The following RORB variants were observed in gnomAD, a reference collection of about 807,000 sequenced individuals.
The protein encoded by RORB is nuclear receptor ROR-beta.
RORB carries 6 observed loss-of-function variants against 59.1 expected under a neutral mutation model. The ratio of observed to expected loss-of-function variants is 0.10; its 90% CI spans 0.06 to 0.20. The LOEUF is 0.20. Ranked by LOEUF, RORB falls within the 10% of genes least tolerant of loss-of-function variation. The pLI, the probability that RORB is intolerant of heterozygous loss-of-function variation, is 1.00. For synonymous variants in RORB, 215 were observed against 204.5 expected (o/e 1.05, Z -0.44); for missense variants, 320 against 560.5 (o/e 0.57, Z 4.33).
chr9:74,530,167 C>T (rs1013908622), intron 1 of RORB, among the ~76,000 whole-genome samples: 1 of 151,956 alleles, frequency 6.6e-6, no homozygotes, highest in African/African-American at 2.4e-5. Context: ...AAATATTTTC[C>T]AAGTGGAAGT....
At chr9:74,610,569 C>A (rs984980373) in intron 1 of RORB, among the ~76,000 whole-genome samples, 1 of 152,132 alleles carries the variant, frequency 6.6e-6, no homozygotes, top group Admixed American at 6.5e-5. Context: ...CTCCTAATAC[C>A]ATCATCTTGA....
At chr9:74,613,913 AT>A (rs1823271325) in intron 1 of RORB, among the ~76,000 whole-genome samples, 1 of 152,098 alleles carries the variant, frequency 6.6e-6, no homozygotes, top group South Asian at 2.1e-4. Context: ...TGATTTTATT[AT>A]TTTTATGGCT....
At chr9:74,577,043 G>C (rs1822646471) in intron 1 of RORB, among the ~76,000 whole-genome samples, 1 of 152,092 alleles carries the variant, frequency 6.6e-6, no homozygotes, top group South Asian at 2.1e-4. Flanking sequence ...TCAAGTGTAT[G>C]TAGGTTACAA....
chr9:74,513,907 C>T (rs1304602328), intron 1 of RORB, among the ~76,000 whole-genome samples: 1 of 151,938 alleles, frequency 6.6e-6, no homozygotes, highest in Non-Finnish European at 1.5e-5. Flanking sequence ...TCTACTTTTA[C>T]AATAGTTCTG....
chr9:74,578,357 G>T (rs1563942616), intron 1 of RORB, among the ~76,000 whole-genome samples: 1 of 152,078 alleles, frequency 6.6e-6, no homozygotes, highest in Non-Finnish European at 1.5e-5. Context: ...GCATTATGAA[G>T]ATCCAAACTG....
At chr9:74,634,425 A>G (rs1823669414) in intron 2 of RORB, among the ~76,000 whole-genome samples, 2 of 152,242 alleles carry the variant, frequency 1.3e-5, no homozygotes, top group African/African-American at 4.8e-5. Flanking sequence ...GAATGGGTAA[A>G]TGAATGATAC....
At chr9:74,642,303 A>G in intron 3 of RORB, 111 bp from the exon 4 acceptor site, 2 of 1,059,562 alleles carry the variant, frequency 1.9e-6, no homozygotes, top group Non-Finnish European at 2.8e-6. Flanking sequence ...GGTGCTAGAC[A>G]TTTGTGCATT....
At chr9:74,577,715 C>G (rs1822659270) in intron 1 of RORB, among the ~76,000 whole-genome samples, 1 of 152,002 alleles carries the variant, frequency 6.6e-6, no homozygotes, top group African/African-American at 2.4e-5. Context: ...AGTTATTTAG[C>G]CTCACTGATC....
intron 1 of RORB, among the ~76,000 whole-genome samples, chr9:74,507,840 A>T (rs1825889795): frequency 6.6e-6 from 1 of 152,012 alleles, no homozygotes; most frequent in Admixed American, 6.6e-5. Flanking sequence ...AGGAGAAGAA[A>T]CCTTGTTCCA....
At chr9:74,669,862 T>A (rs1357908023) in intron 8 of RORB, among the ~76,000 whole-genome samples, 1 of 152,246 alleles carries the variant, frequency 6.6e-6, no homozygotes, top group Non-Finnish European at 1.5e-5. Context: ...ATCATAACTG[T>A]ATTTTCCAAT....
At chr9:74,573,188 T>G (rs1563941172) in intron 1 of RORB, among the ~76,000 whole-genome samples, 1 of 152,136 alleles carries the variant, frequency 6.6e-6, no homozygotes, top group East Asian at 1.9e-4. Flanking sequence ...GAACAAAGTA[T>G]GTGGTGCCAT....
At chr9:74,583,919 G>C (rs1822760169) in intron 1 of RORB, among the ~76,000 whole-genome samples, 1 of 152,190 alleles carries the variant, frequency 6.6e-6, no homozygotes. Context: ...CTAGCAGACA[G>C]ACTGAGCACT....
intron 1 of RORB, among the ~76,000 whole-genome samples, chr9:74,568,214 G>T (rs1442572106): frequency 6.6e-6 from 1 of 151,532 alleles, no homozygotes; most frequent in African/African-American, 2.4e-5. Context: ...CTTGATTCAG[G>T]TGAAAAGTAT....
At chr9:74,635,545 A>T (rs1364195620) in intron 3 of RORB, among the ~76,000 whole-genome samples, 1 of 152,206 alleles carries the variant, frequency 6.6e-6, no homozygotes, top group African/African-American at 2.4e-5. Flanking sequence ...GACATTGGAC[A>T]CATCACCCTT....
chr9:74,665,662 T>C (rs571189022), intron 7 of RORB, 67 bp downstream of exon 7: 99 of 1,004,838 alleles, frequency 9.9e-5, no homozygotes, highest in South Asian at 8.8e-4. Flanking sequence ...TAGATTGAAA[T>C]TGGTAAATGA....
intron 1 of RORB, among the ~76,000 whole-genome samples, chr9:74,534,134 C>T (rs1199280458): frequency 6.6e-6 from 1 of 151,882 alleles, no homozygotes; most frequent in African/African-American, 2.4e-5. Context: ...TATTTTCTTC[C>T]TATGGTTAAA....
At chr9:74,674,990 G>A (rs534689354) in intron 9 of RORB, among the ~76,000 whole-genome samples, 3 of 152,234 alleles carry the variant, frequency 2.0e-5, no homozygotes, top group African/African-American at 7.2e-5. Flanking sequence ...TCCATAATAG[G>A]TAATATGTAA....
chr9:74,685,649 G>C lies in RORB; in HGVS notation c.*31G>C. 2.0e-6 allele frequency: 3 copies of C among 1,517,286 alleles called. No homozygotes were observed. Among genetic ancestry groups the C allele is most frequent in the Non-Finnish European group, 2.7e-6 (3 of 1,121,852 alleles). The allele number at this position is 1,517,286 out of a possible 1,614,324, so 94.0% of individuals were successfully genotyped here. On this transcript the variant is annotated 3_prime_UTR_variant, in exon 10 of 10. Coordinates refer to ENST00000376896, the MANE Select transcript of RORB (RefSeq NM_006914.4). Reference sequence around the variant, plus strand: ...ACAAGAGAACTGTCTCATAGTCATGGAATGCATCACCATTAAGACAAAAGC... The same window carrying C: ...ACAAGAGAACTGTCTCATAGTCATGCAATGCATCACCATTAAGACAAAAGC...
At chr9:74,549,689 C>T (rs1826575620) in intron 1 of RORB, among the ~76,000 whole-genome samples, 1 of 151,558 alleles carries the variant, frequency 6.6e-6, no homozygotes, top group South Asian at 2.1e-4. Flanking sequence ...TATTTTTTGA[C>T]TGCTTGTAGG....
Sources: gnomAD v4.1 joint callset for allele counts (sites outside exome capture counted in the v4.1 genomes callset) on GRCh38, gnomAD v4.1.1 for gene constraint, MANE v1.5 for transcripts, NCBI Gene and HGNC (gene_info 2026-07-23, HGNC 2026-07-21) for gene names.